TSPAN9: variants seen among roughly 807,000 people sequenced by gnomAD.
TSPAN9 encodes the protein tetraspanin 9, also known as tetraspanin-9.
Under a neutral mutation model 31.0 loss-of-function variants are expected in TSPAN9, and 16 were observed. The ratio of observed to expected loss-of-function variants is 0.52; its 90% CI spans 0.35 to 0.78. TSPAN9 has a LOEUF of 0.78. Ranked by LOEUF, TSPAN9 falls within the 30% of genes least tolerant of loss-of-function variation. TSPAN9 has a pLI of 0.01. For missense variants in TSPAN9, 272 were observed against 312.5 expected, an observed-to-expected ratio of 0.87 and a Z score of 0.98; for synonymous variants, 145 against 121.6, an observed-to-expected ratio of 1.19 and a Z score of -1.27.
intron 2 of TSPAN9, among the ~76,000 whole-genome samples, chr12:3,151,812 A>G (rs983831252): frequency 1.3e-5 from 2 of 151,794 alleles, no homozygotes; most frequent in African/African-American, 4.8e-5. Flanking sequence ...ACTCCCAGCT[A>G]CTCGGGAGGC....
Position 3,281,820 on chromosome 12 carries a change from AAG to A in TSPAN9, c.648+6_648+7del. The stretch of plus-strand genomic sequence containing the variant: ...GGATGTGCATCCTCATCATGCAGGT[AAG>A]AGGGGCGTCCCCAGCAGCCTCACCC... On this transcript the variant is annotated splice_donor_5th_base_variant and intron_variant, in intron 8 of 8. Transcript: ENST00000011898. The A allele has an allele frequency of 6.2e-7, 1 of 1,613,936 alleles. No individual in the cohort carries two copies. The highest frequency in any genetic ancestry group is 8.5e-7 in the Non-Finnish European group (1 of 1,179,946).
At position 3,127,378 on chromosome 12, in the gene TSPAN9, C is replaced by T. The variant is rs558943783; in HGVS notation, c.-18+43659C>T. On this transcript the variant is annotated intron_variant, in intron 2 of 8. Transcript: ENST00000011898. ...AAGAAAAATTTTTTTTTTTTTGAGA[C>T]GGAGTCTTGCACTCTTGCCCAGGCT... 1.3e-4 allele frequency among the ~76,000 whole-genome samples: 19 copies of T among 150,658 alleles called. No homozygotes were observed. In the South Asian group the frequency reaches 2.7e-3, roughly 22 times the overall value.
chr12:3,207,876 G>A (rs951676708), intron 3 of TSPAN9, among the ~76,000 whole-genome samples: 3 of 152,192 alleles, frequency 2.0e-5, no homozygotes, highest in Admixed American at 6.5e-5. Flanking sequence ...GTGGATGTTC[G>A]CATCAGCCAG....
At chr12:3,097,088 T>C (rs6489436) in intron 2 of TSPAN9, among the ~76,000 whole-genome samples, 75,844 of 151,880 alleles carry the variant, frequency 0.5, 19,862 homozygotes, top group African/African-American at 0.64. Flanking sequence ...GAGGAGGCCA[T>C]TGCTCAGAAT....
rs7314175 is a variant in TSPAN9 at position 3,247,302 on chromosome 12, C to A, written c.64-31119C>A. 5.8e-4 allele frequency among the ~76,000 whole-genome samples: 11 copies of A among 19,068 alleles called. 2 individuals carry two copies. The highest frequency in any genetic ancestry group is 1.7e-3 in the African/African-American group (11 of 6,354). The allele number at this position is 19,068 out of a possible 152,430, so 12.5% of individuals were successfully genotyped here. ...GGCTGATGAGCATTACTGGCCAGCC[C>A]CCCCCCCCCCGCCACCCGCGTCCCC... On this transcript the variant is annotated intron_variant, in intron 3 of 8. Transcript: ENST00000011898.
chr12:3,163,433 C>A (rs774525196), intron 2 of TSPAN9, among the ~76,000 whole-genome samples: 6 of 152,190 alleles, frequency 3.9e-5, no homozygotes, highest in Non-Finnish European at 5.9e-5. Flanking sequence ...CTGTATAGGG[C>A]AGGGACCATG....
At chr12:3,206,229 G>T (rs897009171) in intron 3 of TSPAN9, 2 of 439,890 alleles carry the variant, frequency 4.5e-6, no homozygotes, top group Non-Finnish European at 9.3e-6. Context: ...TCCCAGTTGG[G>T]TCCATTCACT....
chr12:3,163,545 A>G (rs541371992), intron 2 of TSPAN9, among the ~76,000 whole-genome samples: 1 of 152,270 alleles, frequency 6.6e-6, no homozygotes, highest in East Asian at 1.9e-4. Flanking sequence ...CTGCTTAACT[A>G]TAGCACCTGG....
intron 2 of TSPAN9, among the ~76,000 whole-genome samples, chr12:3,139,315 G>A (rs2098333632): frequency 6.6e-6 from 1 of 152,126 alleles, no homozygotes; most frequent in African/African-American, 2.4e-5. Context: ...TGGCTGAGTA[G>A]GAACCAGTTC....
intron 2 of TSPAN9, among the ~76,000 whole-genome samples, chr12:3,163,348 CTGTT>C (rs1467450557): frequency 2.6e-5 from 4 of 152,340 alleles, no homozygotes; most frequent in African/African-American, 9.6e-5. Context: ...GTTTCTACCT[CTGTT>C]TGGCACTTTC....
At chr12:3,253,622 G>A (rs767678531) in intron 3 of TSPAN9, among the ~76,000 whole-genome samples, 20 of 152,236 alleles carry the variant, frequency 1.3e-4, no homozygotes, top group Non-Finnish European at 2.2e-4. Context: ...GCACAGGCCA[G>A]CGATCAGCCC....
rs1309973135 is a variant in TSPAN9 at position 3,168,370 on chromosome 12, C to T, written c.-17-32807C>T. ...CCCAGAGGGGAGCCAAAATCTGTGC[C>T]TTCGCAATATGTTCCGGGTGCTGTA... is the stretch of plus-strand genomic sequence containing the variant. On this transcript the variant is annotated intron_variant, in intron 2 of 8. Transcript: ENST00000011898. This position sits in a 1 kb window ranked among gnomAD's most constrained non-coding sequence, Gnocchi z 4.0. Among the ~76,000 whole-genome samples, 1 of 152,184 alleles carries T rather than the reference C, an allele frequency of 6.6e-6. No homozygotes were observed. The highest frequency in any genetic ancestry group is 2.4e-5 in the African/African-American group (1 of 41,436).
intron 2 of TSPAN9, among the ~76,000 whole-genome samples, chr12:3,128,109 A>C (rs145088976): frequency 6.6e-6 from 1 of 152,342 alleles, no homozygotes; most frequent in African/African-American, 2.4e-5. Context: ...CATTGGCTGA[A>C]GCATTGTTAT....
intron 2 of TSPAN9, among the ~76,000 whole-genome samples, chr12:3,142,023 G>T (rs1028973746): frequency 2.6e-5 from 4 of 152,324 alleles, no homozygotes; most frequent in Middle Eastern, 3.4e-3. Flanking sequence ...GTCAGGCATT[G>T]CGCTAAGTGT....
intron 2 of TSPAN9, among the ~76,000 whole-genome samples, chr12:3,087,716 G>A (rs2098301308): frequency 1.3e-5 from 2 of 152,184 alleles, no homozygotes; most frequent in South Asian, 4.1e-4. Flanking sequence ...TGAGGCAGGA[G>A]AATTGCTTGA....
chr12:3,198,214 C>CCAGCACCCT (rs2098368403), intron 2 of TSPAN9, among the ~76,000 whole-genome samples: 1 of 89,902 alleles, frequency 1.1e-5, no homozygotes. Context: ...CAGGTCACCA[C>CCAGCACCCT]CAGCACAGGT....
chr12:3,118,569 C>G (rs545855416), intron 2 of TSPAN9, among the ~76,000 whole-genome samples: 8 of 151,940 alleles, frequency 5.3e-5, no homozygotes, highest in Non-Finnish European at 7.4e-5. Flanking sequence ...CCAGACCCCT[C>G]TCTGCTCTTT....
At chr12:3,199,834 C>T (rs1415260569) in intron 2 of TSPAN9, 1 of 152,344 alleles carries the variant, frequency 6.6e-6, no homozygotes, top group African/African-American at 2.4e-5. Context: ...CCTGTGCGCC[C>T]TAGCCAGACC....
chr12:3,181,968 A>G (rs2098358782), intron 2 of TSPAN9, among the ~76,000 whole-genome samples: 2 of 152,026 alleles, frequency 1.3e-5, no homozygotes, highest in Non-Finnish European at 2.9e-5. Context: ...GCACGTGCAC[A>G]TGTGTTGTGT....
Sources: allele counts gnomAD v4.1 joint callset (sites outside exome capture counted in the v4.1 genomes callset), GRCh38; gene constraint gnomAD v4.1.1; non-coding constraint Gnocchi (gnomAD v3.1); transcripts MANE v1.5; gene names NCBI Gene and HGNC (gene_info 2026-07-23, HGNC 2026-07-21).